The following MRTFB variants were observed in gnomAD, a reference collection of about 807,000 sequenced individuals.
MRTFB encodes the protein myocardin related transcription factor B.
Under a neutral mutation model 104.2 loss-of-function variants are expected in MRTFB, and 29 were observed. The observed-to-expected ratio is 0.28, with a 90% CI of 0.21 to 0.38. The LOEUF (loss-of-function observed/expected upper bound fraction) is 0.38, where lower values mean the gene tolerates loss of function less well. Among genes scored for constraint, MRTFB ranks in the 10% least tolerant of loss-of-function variants. The pLI is 1.00. For synonymous variants in MRTFB, 535 were observed against 519.5 expected (o/e 1.03, Z -0.41); for missense variants, 1,270 against 1,341.6 (o/e 0.95, Z 0.83).
intron 2 of MRTFB, among the ~76,000 whole-genome samples, chr16:14,098,274 C>G (rs2035505108): frequency 6.6e-6 from 1 of 152,110 alleles, no homozygotes; most frequent in African/African-American, 2.4e-5. Context: ...ATTATTCATT[C>G]TAATAGATGT....
intron 2 of MRTFB, among the ~76,000 whole-genome samples, chr16:14,111,797 T>C (rs1788742764): frequency 1.3e-5 from 2 of 152,170 alleles, no homozygotes; most frequent in African/African-American, 4.8e-5. Flanking sequence ...TGGCGCCTCT[T>C]TCTACCTTTC....
intron 4 of MRTFB, among the ~76,000 whole-genome samples, chr16:14,210,762 G>C (rs960489027): frequency 6.6e-6 from 1 of 152,150 alleles, no homozygotes; most frequent in African/African-American, 2.4e-5. Flanking sequence ...ATGTATCTCA[G>C]TTACAGGACT....
chr16:14,049,891 C>T, the MRTFB span, among the ~76,000 whole-genome samples: 1 of 152,186 alleles, frequency 6.6e-6, no homozygotes, highest in African/African-American at 2.4e-5. Flanking sequence ...TATCACCAGG[C>T]CTGGCTAATT....
chr16:14,135,323 T>C (rs1350431418), intron 2 of MRTFB, among the ~76,000 whole-genome samples: 1 of 152,240 alleles, frequency 6.6e-6, no homozygotes, highest in Non-Finnish European at 1.5e-5. Flanking sequence ...ATGCACCACA[T>C]AACATTGGTC....
chr16:14,223,741 C>T (rs1167058638), intron 8 of MRTFB, among the ~76,000 whole-genome samples: 1 of 152,074 alleles, frequency 6.6e-6, no homozygotes, highest in Non-Finnish European at 1.5e-5. Flanking sequence ...ATCAAGCGAT[C>T]AATGTATTCA....
intron 9 of MRTFB, among the ~76,000 whole-genome samples, chr16:14,234,787 C>CCTT (rs2042421328): frequency 1.3e-5 from 2 of 151,944 alleles, no homozygotes; most frequent in Admixed American, 1.3e-4. Flanking sequence ...AGAGCAAGAC[C>CCTT]CTGTCTCTTT....
intron 3 of MRTFB, 50 bp downstream of exon 3, chr16:14,140,810 T>C: frequency 1.2e-6 from 2 of 1,608,430 alleles, no homozygotes; most frequent in Non-Finnish European, 1.7e-6. Flanking sequence ...TTTCCCCTCT[T>C]TGGGAGCCCA....
chr16:14,079,361 T>A lies in MRTFB; in HGVS notation c.-64+7T>A, dbSNP rs1307497062. On this transcript the variant is annotated splice_region_variant and intron_variant, in intron 2 of 16. Transcript: ENST00000571589. ...ATTAAATATTCTTACCGAGGTAAGT[T>A]TTTTTATAATTTTTTTTTAACAAAG... The A allele has an allele frequency of 1.4e-5, 5 of 349,886 alleles. No homozygotes were observed. In the East Asian group the frequency reaches 1.9e-4, roughly 13 times the overall value. The allele number at this position is 349,886 out of a possible 1,614,324, so 21.7% of individuals were successfully genotyped here.
At chr16:14,027,581 T>A in the MRTFB span, among the ~76,000 whole-genome samples, 2 of 152,206 alleles carry the variant, frequency 1.3e-5, no homozygotes, top group Non-Finnish European at 2.9e-5. Context: ...TGAATATTAT[T>A]GTATCAGTGT....
chr16:14,201,424 G>A (rs1298659686), intron 3 of MRTFB, among the ~76,000 whole-genome samples: 1 of 152,222 alleles, frequency 6.6e-6, no homozygotes, highest in Admixed American at 6.5e-5. Context: ...CATGGTAAGA[G>A]TGAGCACTTT....
At chr16:14,070,848 G>C (rs1365507333), upstream of MRTFB, among the ~76,000 whole-genome samples, 1 of 152,238 alleles carries the variant, frequency 6.6e-6, no homozygotes, top group Non-Finnish European at 1.5e-5. Flanking sequence ...CTGGCTGTGT[G>C]ACATGGAGCC....
the MRTFB span, among the ~76,000 whole-genome samples, chr16:14,039,228 C>G: frequency 6.6e-6 from 1 of 152,190 alleles, no homozygotes; most frequent in African/African-American, 2.4e-5. Flanking sequence ...CCCTCAGCTC[C>G]TTATCATATG....
At chr16:14,235,476 C>T (rs1365711999) in intron 9 of MRTFB, among the ~76,000 whole-genome samples, 1 of 152,234 alleles carries the variant, frequency 6.6e-6, no homozygotes, top group Non-Finnish European at 1.5e-5. Flanking sequence ...TTCTCTGCCT[C>T]TCCCTCTCTC....
At chr16:14,183,960 G>T (rs1271924503) in intron 3 of MRTFB, among the ~76,000 whole-genome samples, 2 of 150,726 alleles carry the variant, frequency 1.3e-5, no homozygotes, top group Non-Finnish European at 2.9e-5. Flanking sequence ...ACACAGATAT[G>T]GTAAAGAATT....
upstream of MRTFB, among the ~76,000 whole-genome samples, chr16:14,068,557 G>C (rs1406943721): frequency 1.3e-5 from 2 of 152,098 alleles, no homozygotes; most frequent in Non-Finnish European, 1.5e-5. Flanking sequence ...GTGTGTTGTT[G>C]CGTGTTGTTG....
chr16:14,089,587 C>T (rs2034929233), intron 2 of MRTFB, among the ~76,000 whole-genome samples: 1 of 152,114 alleles, frequency 6.6e-6, no homozygotes, highest in Non-Finnish European at 1.5e-5. Flanking sequence ...CTGCTGTGAA[C>T]ATTTGCATAT....
At chr16:14,023,376 T>C in the MRTFB span, among the ~76,000 whole-genome samples, 1 of 151,818 alleles carries the variant, frequency 6.6e-6, no homozygotes, top group African/African-American at 2.4e-5. Context: ...GCCCAGGAGG[T>C]CGAGGCTGCA....
At chr16:14,087,421 G>A (rs1001448823) in intron 2 of MRTFB, among the ~76,000 whole-genome samples, 4 of 152,154 alleles carry the variant, frequency 2.6e-5, no homozygotes, top group African/African-American at 9.7e-5. Context: ...TTGAGTTGAG[G>A]AGAGGGAGTC....
chr16:14,220,701 A>AGTTT (rs2041653552), intron 8 of MRTFB, among the ~76,000 whole-genome samples: 1 of 152,214 alleles, frequency 6.6e-6, no homozygotes, highest in African/African-American at 2.4e-5. Flanking sequence ...TTTAAGCATT[A>AGTTT]GTTTTCGTAG....
Sources: gnomAD v4.1 joint callset for allele counts (sites outside exome capture counted in the v4.1 genomes callset) on GRCh38, gnomAD v4.1.1 for gene constraint, MANE v1.5 for transcripts, NCBI Gene and HGNC (gene_info 2026-07-23, HGNC 2026-07-21) for gene names.